Variants in ST8SIA4 observed in about 807,000 individuals in gnomAD.
ST8SIA4 encodes ST8 alpha-N-acetyl-neuraminide alpha-2,8-sialyltransferase 4.
A neutral mutation model predicts 33.9 loss-of-function variants in ST8SIA4; 15 were observed. The ratio of observed to expected loss-of-function variants is 0.44; its 90% CI spans 0.30 to 0.68. The LOEUF (loss-of-function observed/expected upper bound fraction) is 0.68. Ranked by LOEUF, ST8SIA4 falls within the 30% of genes least tolerant of loss-of-function variation. The probability of loss-of-function intolerance (pLI) is 0.10; values close to 1 mark genes in which losing one functional copy is unlikely to be tolerated. For missense variants in ST8SIA4, 321 were observed against 428.0 expected (o/e 0.75, Z 2.21); for synonymous variants, 171 against 151.2 (o/e 1.13, Z -0.96).
rs1311947802 is a variant in ST8SIA4 at position 100,902,918 on chromosome 5, A to C, written c.38T>G (p.Ile13Arg). The C allele has an allele frequency of 6.2e-7, 1 of 1,614,178 alleles. No homozygotes were observed. The highest frequency in any genetic ancestry group is 8.5e-7 in the Non-Finnish European group (1 of 1,180,032). The change falls in exon 1 of 5, where the codon ATA becomes AGA. Residue 13 changes from isoleucine (I) to arginine (R), a missense_variant. Physicochemically the swap from Ile to Arg is moderately conservative, Grantham distance 97 (BLOSUM62 -3). Coordinates refer to ENST00000231461, the MANE Select transcript of ST8SIA4 (RefSeq NM_005668.6). The stretch of plus-strand genomic sequence containing the variant: ...CTTATAAAAGATCAGGAGCAGACTT[A>C]TTGTGCAGATCGTCCACCTCTTCCT... ...SIRKRWTICT[I>R]SLLLIFYKTK...
intron 4 of ST8SIA4, chr5:100,848,943 C>A (rs55849330): frequency 0.24 from 39,351 of 167,138 alleles, 5,698 homozygotes; most frequent in Non-Finnish European, 0.31. Context: ...ATATATATTT[C>A]TTATATATAT....
intron 4 of ST8SIA4, among the ~76,000 whole-genome samples, chr5:100,852,093 T>C (rs1220589044): frequency 1.3e-5 from 2 of 150,354 alleles, no homozygotes; most frequent in Admixed American, 6.6e-5. Flanking sequence ...TCATGCTTAC[T>C]ATCTTATTTG....
intron 4 of ST8SIA4, among the ~76,000 whole-genome samples, chr5:100,829,466 AT>A (rs1035923137): frequency 1.3e-5 from 2 of 152,138 alleles, no homozygotes; most frequent in Non-Finnish European, 2.9e-5. Context: ...CCTGAATTCT[AT>A]TTTAGAGTAA....
At chr5:100,848,485 ACACAGAGTATAT>A (rs1751614349) in intron 4 of ST8SIA4, among the ~76,000 whole-genome samples, 1 of 113,060 alleles carries the variant, frequency 8.8e-6, no homozygotes, top group Admixed American at 9.2e-5. Context: ...ACATATATAC[ACACAGAGTATAT>A]ATACTCTGTA....
intron 3 of ST8SIA4, among the ~76,000 whole-genome samples, chr5:100,867,631 G>A (rs114893809): frequency 6.6e-6 from 1 of 151,894 alleles, no homozygotes; most frequent in Non-Finnish European, 1.5e-5. Context: ...CCATCAAATT[G>A]CCACAGAAAT....
intron 4 of ST8SIA4, among the ~76,000 whole-genome samples, chr5:100,818,938 C>A (rs886752469): frequency 6.6e-6 from 1 of 152,120 alleles, no homozygotes; most frequent in Non-Finnish European, 1.5e-5. Context: ...TCTGTCTATG[C>A]ACATTGTCAC....
At chr5:100,851,529 GT>G (rs565145120) in intron 4 of ST8SIA4, among the ~76,000 whole-genome samples, 165 of 152,106 alleles carry the variant, frequency 1.1e-3, no homozygotes, top group African/African-American at 3.8e-3. Context: ...GTATTTATGT[GT>G]TGTTGAGAAA....
intron 4 of ST8SIA4, among the ~76,000 whole-genome samples, chr5:100,831,059 T>C (rs1261127349): frequency 6.6e-6 from 1 of 152,236 alleles, no homozygotes; most frequent in Non-Finnish European, 1.5e-5. Context: ...GACAACTCTC[T>C]TCAATAGTAT....
chr5:100,866,201 A>C (rs1752056854), intron 3 of ST8SIA4, among the ~76,000 whole-genome samples: 1 of 152,164 alleles, frequency 6.6e-6, no homozygotes, highest in Non-Finnish European at 1.5e-5. Context: ...ACTGTGGATT[A>C]ATTACATAGT....
At chr5:100,877,070 T>C (rs1409373423) in intron 3 of ST8SIA4, among the ~76,000 whole-genome samples, 1 of 152,098 alleles carries the variant, frequency 6.6e-6, no homozygotes, top group Non-Finnish European at 1.5e-5. Context: ...CTGTACTAAT[T>C]AGTGCCCACT....
At chr5:100,881,289 T>C (rs1453266765) in intron 3 of ST8SIA4, among the ~76,000 whole-genome samples, 1 of 152,240 alleles carries the variant, frequency 6.6e-6, no homozygotes, top group East Asian at 1.9e-4. Flanking sequence ...GATAAGTCTA[T>C]TTTGAATTGA....
Position 100,856,194 on chromosome 5 carries a change from G to T in ST8SIA4, c.706C>A (p.His236Asn), listed in dbSNP as rs1466726323. Reference sequence around the variant, plus strand: ...ATTAATGCATTAACCCACTCCACGTGCTTCTCTCCTCCTTTGACCATGAAA... The same window carrying T: ...ATTAATGCATTAACCCACTCCACGTTCTTCTCTCCTCCTTTGACCATGAAA... The part of the protein sequence containing the change: ...PAFMVKGGEK[H>N]VEWVNALILK... The change falls in exon 4 of 5, where the codon CAC becomes AAC. Residue 236 changes from histidine to asparagine, a missense_variant. Physicochemically the swap from His to Asn is moderately conservative, Grantham distance 68. Transcript: ENST00000231461. 1 of 1,614,002 alleles carries T rather than the reference G, an allele frequency of 6.2e-7. No homozygotes were observed. The highest frequency in any genetic ancestry group is 1.3e-5 in the African/African-American group (1 of 74,920).
chr5:100,854,189 G>C (rs760391441), intron 4 of ST8SIA4, among the ~76,000 whole-genome samples: 1 of 151,320 alleles, frequency 6.6e-6, no homozygotes, highest in Non-Finnish European at 1.5e-5. Context: ...AAAAAAAGGC[G>C]GTGACTTACT....
chr5:100,846,704 T>C (rs1266853075), intron 4 of ST8SIA4, among the ~76,000 whole-genome samples: 3 of 152,026 alleles, frequency 2.0e-5, no homozygotes, highest in Non-Finnish European at 2.9e-5. Context: ...TTGCCAATGT[T>C]ACAGGGGTGC....
In ST8SIA4 at chr5:100,893,481, A is replaced by G. The variant is rs374948910; in HGVS notation, c.245+2173T>C. Among the ~76,000 whole-genome samples the G allele has an allele frequency of 2.0e-5, 3 of 152,298 alleles. No individual in the cohort carries two copies. In the South Asian group the frequency reaches 6.2e-4, roughly 32 times the overall value. ...ATAGTACTAACATTTCATTCATACT[A>G]TCAGCTATTATAATTGAAAATAGAT... is the stretch of plus-strand genomic sequence containing the variant. On this transcript the variant is annotated intron_variant, in intron 2 of 4. Transcript: ENST00000231461.
intron 4 of ST8SIA4, among the ~76,000 whole-genome samples, chr5:100,829,863 G>C (rs1419671057): frequency 6.7e-6 from 1 of 149,562 alleles, no homozygotes; most frequent in Admixed American, 6.7e-5. Flanking sequence ...AGCCGAGATC[G>C]CGCCACTGCA....
At chr5:100,820,355 C>A (rs998609087) in intron 4 of ST8SIA4, among the ~76,000 whole-genome samples, 2 of 151,986 alleles carry the variant, frequency 1.3e-5, no homozygotes, top group African/African-American at 4.8e-5. Flanking sequence ...TAAGATCATC[C>A]CTACTGAAAA....
At chr5:100,859,868 C>T (rs1044514599) in intron 3 of ST8SIA4, among the ~76,000 whole-genome samples, 4 of 152,048 alleles carry the variant, frequency 2.6e-5, no homozygotes, top group African/African-American at 4.8e-5. Context: ...CTAGGAGATC[C>T]CACTTGCATT....
chr5:100,827,361 T>C (rs569953767), intron 4 of ST8SIA4, among the ~76,000 whole-genome samples: 1 of 152,300 alleles, frequency 6.6e-6, no homozygotes, highest in African/African-American at 2.4e-5. Context: ...TTACAAATGT[T>C]CCCTGCCCCT....
Sources: gnomAD v4.1 joint callset for allele counts (sites outside exome capture counted in the v4.1 genomes callset) on GRCh38, gnomAD v4.1.1 for gene constraint, MANE v1.5 for transcripts, NCBI Gene and HGNC (gene_info 2026-07-23, HGNC 2026-07-21) for gene names.